Variants in STK10 observed in about 807,000 individuals in gnomAD.
The protein encoded by STK10 is serine/threonine kinase 10.
In STK10, 78 loss-of-function variants were observed where a neutral mutation model predicts 113.8. The ratio of observed to expected loss-of-function variants is 0.69; its 90% CI spans 0.57 to 0.83. The LOEUF (loss-of-function observed/expected upper bound fraction) is 0.83, where lower values mean the gene tolerates loss of function less well. Ranked by LOEUF, STK10 falls within the 40% of genes least tolerant of loss-of-function variation. The probability of loss-of-function intolerance (pLI) is 0.00; values close to 1 mark genes in which losing one functional copy is unlikely to be tolerated. For synonymous variants in STK10, 465 were observed against 494.7 expected, an observed-to-expected ratio of 0.94 and a Z score of 0.80; for missense variants, 1,109 against 1,280.1, an observed-to-expected ratio of 0.87 and a Z score of 2.04.
At chr5:172,045,373 A>G in intron 18 of STK10, 1 of 500,938 alleles carries the variant, frequency 2.0e-6, no homozygotes, top group South Asian at 1.5e-5. Flanking sequence ...AGAGAGACTG[A>G]GCAGCAAAGG....
Position 172,061,205 on chromosome 5 carries a change from C to CACCACCATGAAGA in STK10, c.2145_2146insTCTTCATGGTGGT (p.Asp716SerfsTer5). On this transcript the variant is annotated frameshift_variant, in exon 14 of 19. Transcript: ENST00000176763. LOFTEE classifies it high-confidence loss of function. ...TTGTCACAGATCTCCCGCCTGTTGTCGGTGGTGAGCCTCTTCATGGCCAGC... is the reference window on the plus strand; with the variant it reads ...TTGTCACAGATCTCCCGCCTGTTGTCACCACCATGAAGAGGTGGTGAGCCTCTTCATGGCCAGC... 9.9e-6 allele frequency: 16 copies of CACCACCATGAAGA among 1,613,500 alleles called. No individual in the cohort carries two copies. Among genetic ancestry groups the CACCACCATGAAGA allele is most frequent in the Non-Finnish European group, 1.4e-5 (16 of 1,179,950 alleles).
chr5:172,134,241 T>C (rs944408275), intron 2 of STK10, among the ~76,000 whole-genome samples: 2 of 152,172 alleles, frequency 1.3e-5, no homozygotes, highest in Non-Finnish European at 2.9e-5. Context: ...CTAAATTTCA[T>C]CACCAGTGTT....
intron 1 of STK10, among the ~76,000 whole-genome samples, chr5:172,164,211 T>TAAAAAAAA (rs57573746): frequency 1.2e-5 from 1 of 84,628 alleles, no homozygotes; most frequent in African/African-American, 4.8e-5. Context: ...AAACTCCATC[T>TAAAAAAAA]AAAAAAAAAA....
intron 12 of STK10, among the ~76,000 whole-genome samples, chr5:172,073,793 C>CAAAAA (rs60492751): frequency 0.18 from 10,551 of 57,876 alleles, 605 homozygotes; most frequent in Non-Finnish European, 0.24. Context: ...CTAAAAATAG[C>CAAAAA]AAAAAAAAAA....
intron 1 of STK10, among the ~76,000 whole-genome samples, chr5:172,163,493 C>A (rs1198529310): frequency 6.6e-6 from 1 of 152,186 alleles, no homozygotes; most frequent in South Asian, 2.1e-4. Flanking sequence ...GCTCAGGCAG[C>A]CAGAATGTCA....
chr5:172,066,742 T>C (rs1052907748), intron 12 of STK10, among the ~76,000 whole-genome samples: 1 of 152,108 alleles, frequency 6.6e-6, no homozygotes, highest in Non-Finnish European at 1.5e-5. Flanking sequence ...GCCGAGATCA[T>C]ACCATTGAAC....
At chr5:172,063,617 C>G (rs1260630574) in intron 13 of STK10, 1 of 152,338 alleles carries the variant, frequency 6.6e-6, no homozygotes, top group Non-Finnish European at 1.5e-5. Flanking sequence ...GGCCTGTGTG[C>G]CCCGCCCTCA....
chr5:172,103,325 T>C (rs1019698218), intron 7 of STK10, among the ~76,000 whole-genome samples: 1 of 152,260 alleles, frequency 6.6e-6, no homozygotes, highest in African/African-American at 2.4e-5. Context: ...AGGTGCTTTA[T>C]TCATCTCCAG....
intron 1 of STK10, among the ~76,000 whole-genome samples, chr5:172,164,773 T>C (rs575180112): frequency 6.6e-6 from 1 of 151,544 alleles, no homozygotes; most frequent in Admixed American, 6.6e-5. Context: ...CACGTGGGAG[T>C]TGGCAGGCAA....
At chr5:172,138,978 C>T (rs549107590) in intron 2 of STK10, among the ~76,000 whole-genome samples, 27 of 152,304 alleles carry the variant, frequency 1.8e-4, no homozygotes, top group Admixed American at 4.6e-4. Flanking sequence ...CACACCACTG[C>T]ACTCCAGTCT....
intron 5 of STK10, 44 bp downstream of exon 5, chr5:172,107,736 T>C: frequency 6.2e-7 from 1 of 1,601,074 alleles, no homozygotes; most frequent in Middle Eastern, 1.7e-4. Flanking sequence ...CTTGGAGAGT[T>C]TTTACATCCA....
In STK10 at chr5:172,094,884, G is replaced by C. The variant is rs561953969; in HGVS notation, c.1006-924C>G. ...TTTTAGAGTCTTTGTTGGGTGGAAA[G>C]TACTGGAAATGTTGCTATGCTAAGG... On this transcript the variant is annotated intron_variant, in intron 8 of 18. Coordinates refer to ENST00000176763, the MANE Select transcript of STK10 (RefSeq NM_005990.4). Among the ~76,000 whole-genome samples the C allele has an allele frequency of 3.3e-4, 51 of 152,310 alleles. No homozygotes were observed. The South Asian group carries it at 0.01, about 31-fold the overall frequency.
Position 172,057,340 on chromosome 5 carries a change from C to A in STK10, c.2337+9G>T. On this transcript the variant is annotated intron_variant, in intron 15 of 18. Transcript: ENST00000176763. ...GCAGATCCGAGCCCCGTGCCACCGG[C>A]AGCCTCACCTTCTCATGCTTGCGCA... 6.3e-7 allele frequency: 1 copy of A among 1,579,950 alleles called. No individual in the cohort carries two copies. The highest frequency in any genetic ancestry group is 8.6e-7 in the Non-Finnish European group (1 of 1,163,988).
At position 172,120,456 on chromosome 5, in the gene STK10, G is replaced by T. The variant is rs1769487472; in HGVS notation, c.371-2826C>A. Among the ~76,000 whole-genome samples the T allele has an allele frequency of 6.6e-6, 1 of 152,146 alleles. No homozygotes were observed. Among genetic ancestry groups the T allele is most frequent in the East Asian group, 1.9e-4 (1 of 5,198 alleles). On this transcript the variant is annotated intron_variant, in intron 3 of 18. Transcript: ENST00000176763. This position sits in a 1 kb window ranked among gnomAD's most constrained non-coding sequence, Gnocchi z 4.0. The stretch of plus-strand genomic sequence containing the variant: ...TCTCTCTGGAGTCCGCAAGCTGCCT[G>T]CCCCCTGTCCCTGTGGCCTCATCCT...
At chr5:172,123,097 A>C (rs977129696) in intron 3 of STK10, among the ~76,000 whole-genome samples, 1 of 152,206 alleles carries the variant, frequency 6.6e-6, no homozygotes, top group African/African-American at 2.4e-5. Context: ...AGAAACCTGG[A>C]ATGGACCTCA....
At chr5:172,109,037 G>C (rs1355394890) in intron 4 of STK10, among the ~76,000 whole-genome samples, 1 of 152,040 alleles carries the variant, frequency 6.6e-6, no homozygotes, top group African/African-American at 2.4e-5. Flanking sequence ...CACCAGCCTT[G>C]GCCTTCCAAA....
chr5:172,149,617 G>A (rs554443320), intron 2 of STK10, among the ~76,000 whole-genome samples: 1 of 151,938 alleles, frequency 6.6e-6, no homozygotes, highest in South Asian at 2.1e-4. Context: ...GGAAGACCAG[G>A]TCCCCACGGC....
At chr5:172,078,619 TAAAAAAAAAAAAAAA>T (rs58823824) in intron 12 of STK10, among the ~76,000 whole-genome samples, 24,930 of 73,112 alleles carry the variant, frequency 0.34, 3,015 homozygotes, top group Middle Eastern at 0.38. Context: ...GCCTCATCAT[TAAAAAAAAAAAAAAA>T]AAAAAAAAAA....
chr5:172,076,231 T>A lies in STK10; in HGVS notation c.1989+6095A>T, dbSNP rs1318582899. Among the ~76,000 whole-genome samples the A allele has an allele frequency of 1.6e-3, 104 of 66,866 alleles. 8 individuals carry two copies. The highest frequency in any genetic ancestry group is 7.9e-3 in the African/African-American group (88 of 11,204). 43.9% of individuals were successfully genotyped at this position (66,866 alleles called of 152,430 possible). A position where few individuals can be genotyped will look rare whatever the true frequency, so the allele number is the denominator to read the frequency against. On this transcript the variant is annotated intron_variant, in intron 12 of 18. Coordinates refer to ENST00000176763, the MANE Select transcript of STK10 (RefSeq NM_005990.4). ...TTGTTGTGGGGGCGTCCTGTGCATT[T>A]GTTGTGGGGGCGTCCTGTGCGTTAG...
Sources: allele counts gnomAD v4.1 joint callset (sites outside exome capture counted in the v4.1 genomes callset), GRCh38; gene constraint gnomAD v4.1.1; non-coding constraint Gnocchi (gnomAD v3.1); transcripts MANE v1.5; gene names NCBI Gene and HGNC (gene_info 2026-07-23, HGNC 2026-07-21).